Variants in NAP1L4 observed in about 807,000 individuals in gnomAD.
NAP1L4 encodes the protein nucleosome assembly protein 1-like 4.
NAP1L4 carries 15 observed loss-of-function variants against 58.2 expected under a neutral mutation model. That is an observed-to-expected ratio of 0.26 (90% confidence interval 0.17 to 0.40). The LOEUF is 0.40. NAP1L4 is among the 10% of genes least tolerant of loss of function. NAP1L4 has a pLI of 1.00. For missense variants in NAP1L4, 384 were observed against 451.1 expected, an observed-to-expected ratio of 0.85 and a Z score of 1.35; for synonymous variants, 171 against 155.6, an observed-to-expected ratio of 1.10 and a Z score of -0.74.
chr11:2,950,126 C>T (rs1372453428), intron 14 of NAP1L4, among the ~76,000 whole-genome samples: 1 of 152,208 alleles, frequency 6.6e-6, no homozygotes, highest in Admixed American at 6.5e-5. Flanking sequence ...CTGTGATGCA[C>T]GCAAGGCAGA....
At chr11:2,963,720 TACCACCATCACCCACACCC>T in intron 8 of NAP1L4, 1 of 518,260 alleles carries the variant, frequency 1.9e-6, no homozygotes, top group South Asian at 1.4e-5. Flanking sequence ...CCCAGGCCCC[TACCACCATCACCCACACCC>T]AAGATCCCTA....
chr11:2,963,912 G>C (rs750405689), intron 8 of NAP1L4: 4 of 519,012 alleles, frequency 7.7e-6, no homozygotes, highest in African/African-American at 1.9e-5. Flanking sequence ...AACCAGGCTG[G>C]GATGAGACAG....
rs1354738290 is a variant in NAP1L4, at chr11:2,955,010, G to C, written c.916-364C>G. Among the ~76,000 whole-genome samples, 2 of 152,062 alleles carry C rather than the reference G, an allele frequency of 1.3e-5. No individual in the cohort carries two copies. Among genetic ancestry groups the C allele is most frequent in the Non-Finnish European group, 2.9e-5 (2 of 68,010 alleles). ...CATATGAAACACATACTTTTACTTA[G>C]ATGTGTAATGATTTCAAATTAATCC... On this transcript the variant is annotated intron_variant, in intron 11 of 15. Transcript: ENST00000380542. The surrounding 1 kb of genome is among the most constrained non-coding windows in gnomAD (Gnocchi z 4.2).
At chr11:2,947,496 AC>A (rs1168386867) in intron 15 of NAP1L4, among the ~76,000 whole-genome samples, 1 of 152,058 alleles carries the variant, frequency 6.6e-6, no homozygotes, top group Non-Finnish European at 1.5e-5. Context: ...CATGTGGCCC[AC>A]CCCTGCCAGG....
In NAP1L4 at chr11:2,975,817, G is replaced by A. The variant is rs116482502; in HGVS notation, c.173+207C>T. Among the ~76,000 whole-genome samples the A allele has an allele frequency of 5.5e-3, 829 of 152,106 alleles. 7 individuals are homozygous for A. Among genetic ancestry groups the A allele is most frequent in the African/African-American group, 0.019 (784 of 41,476 alleles). ...GTGCACTTCCTATCAGAACTGACAG[G>A]TCACGCTACTCCATCCACCAGGCAA... On this transcript the variant is annotated intron_variant, in intron 4 of 15. Coordinates refer to ENST00000380542, the MANE Select transcript of NAP1L4 (RefSeq NM_005969.4).
chr11:2,971,393 C>T lies in NAP1L4; in HGVS notation c.402+55G>A, dbSNP rs1053958865. The T allele has an allele frequency of 6.8e-6, 10 of 1,466,900 alleles. No homozygotes were observed. In the African/African-American group the frequency reaches 1.4e-4, roughly 21 times the overall value. 90.9% of individuals were successfully genotyped at this position (1,466,900 alleles called of 1,614,324 possible). A position where few individuals can be genotyped will look rare whatever the true frequency, so the allele number is the denominator to read the frequency against. Reference sequence around the variant, plus strand: ...AGTCATTAAAAATCATTAAAAAATGCTTATTTTTAACAGTATTAAAACAGA... The same window carrying T: ...AGTCATTAAAAATCATTAAAAAATGTTTATTTTTAACAGTATTAAAACAGA... On this transcript the variant is annotated intron_variant, in intron 6 of 15. Coordinates refer to ENST00000380542, the MANE Select transcript of NAP1L4 (RefSeq NM_005969.4). The surrounding 1 kb of genome is among the most constrained non-coding windows in gnomAD (Gnocchi z 4.2).
chr11:2,952,171 T>C lies in NAP1L4; in HGVS notation c.1036-362A>G. ...ACCGATGAATTTGTTTTCCTTAAATTTTCTACAAGGCTGATCGAACCAGCA... is the reference window on the plus strand; with the variant it reads ...ACCGATGAATTTGTTTTCCTTAAATCTTCTACAAGGCTGATCGAACCAGCA... On this transcript the variant is annotated intron_variant, in intron 12 of 15. Coordinates refer to ENST00000380542, the MANE Select transcript of NAP1L4 (RefSeq NM_005969.4). The C allele has an allele frequency of 2.2e-5, 7 of 322,958 alleles. 2 individuals carry two copies. The South Asian group carries it at 2.2e-4, about 10-fold the overall frequency. The allele number at this position is 322,958 out of a possible 1,614,324, so 20.0% of individuals were successfully genotyped here.
Position 2,969,794 on chromosome 11 carries a change from T to C in NAP1L4, c.534+9A>G. 2 of 1,606,568 alleles carry C rather than the reference T, an allele frequency of 1.2e-6. No individual in the cohort carries two copies. Among genetic ancestry groups the C allele is most frequent in the South Asian group, 1.1e-5 (1 of 89,500 alleles). On this transcript the variant is annotated intron_variant, in intron 7 of 15. Coordinates refer to ENST00000380542, the MANE Select transcript of NAP1L4 (RefSeq NM_005969.4). ...ACATAATCTCTCTACAAGACAGAAG[T>C]GTGCTTACCTGGACTAATTCACTCA...
chr11:2,946,907 G>A lies in NAP1L4; in HGVS notation c.*33-1261C>T, dbSNP rs1268665564. Among the ~76,000 whole-genome samples, 3 of 152,142 alleles carry A rather than the reference G, an allele frequency of 2.0e-5. No individual in the cohort carries two copies. Among genetic ancestry groups the A allele is most frequent in the South Asian group, 2.1e-4 (1 of 4,820 alleles). ...CTTAGGAGTGTGGGGGATGCAGGGCGCCCCGAGCAGGAGCAGTGAGGGGAG... is the reference window on the plus strand; with the variant it reads ...CTTAGGAGTGTGGGGGATGCAGGGCACCCCGAGCAGGAGCAGTGAGGGGAG... On this transcript the variant is annotated intron_variant, in intron 15 of 15. Coordinates refer to ENST00000380542, the MANE Select transcript of NAP1L4 (RefSeq NM_005969.4). This position sits in a 1 kb window ranked among gnomAD's most constrained non-coding sequence, Gnocchi z 4.8.
At chr11:2,991,100 T>C in intron 1 of NAP1L4, 1 of 456,364 alleles carries the variant, frequency 2.2e-6, no homozygotes, top group South Asian at 1.5e-5. Context: ...TCCGAGAACA[T>C]AATGAAATGG....
chr11:2,945,519 C>G lies in NAP1L4; in HGVS notation c.*160G>C. ...ACGAGTTAGATGGAGTAAGCTCTGTCCACGGGATTGTGCTGCGGCAAGGAC... is the reference window on the plus strand; with the variant it reads ...ACGAGTTAGATGGAGTAAGCTCTGTGCACGGGATTGTGCTGCGGCAAGGAC... On this transcript the variant is annotated 3_prime_UTR_variant, in exon 16 of 16. Coordinates refer to ENST00000380542, the MANE Select transcript of NAP1L4 (RefSeq NM_005969.4). 8.6e-7 allele frequency: 1 copy of G among 1,159,488 alleles called. No homozygotes were observed. The highest frequency in any genetic ancestry group is 2.4e-5 in the Admixed American group (1 of 42,370). The allele number at this position is 1,159,488 out of a possible 1,614,324, so 71.8% of individuals were successfully genotyped here.
At chr11:2,981,245 A>G (rs1314715216) in intron 1 of NAP1L4, among the ~76,000 whole-genome samples, 1 of 138,028 alleles carries the variant, frequency 7.2e-6, no homozygotes, top group Non-Finnish European at 1.6e-5. Flanking sequence ...CAAAACAAAA[A>G]GAAAAAAAAA....
At position 2,956,293 on chromosome 11, in the gene NAP1L4, G is replaced by A. The variant is rs117781940; in HGVS notation, c.893-527C>T. On this transcript the variant is annotated intron_variant, in intron 10 of 15. Transcript: ENST00000380542. ...CCACCAGGGGCCCCTGTAGAGTGGC[G>A]CAATTCCTCAGCGAAAGCTGATGCT... Among the ~76,000 whole-genome samples, 681 of 152,256 alleles carry A rather than the reference G, an allele frequency of 4.5e-3. 6 individuals are homozygous for A. Among genetic ancestry groups the A allele is most frequent in the Non-Finnish European group, 7.4e-3 (501 of 68,016 alleles).
chr11:2,983,033 A>G (rs772258196), intron 1 of NAP1L4, among the ~76,000 whole-genome samples: 3 of 152,116 alleles, frequency 2.0e-5, no homozygotes, highest in African/African-American at 7.2e-5. Context: ...AAAAAACAAA[A>G]AACAAAAAAC....
At chr11:2,986,881 A>C (rs1039353962) in intron 1 of NAP1L4, among the ~76,000 whole-genome samples, 2 of 150,732 alleles carry the variant, frequency 1.3e-5, no homozygotes, top group Non-Finnish European at 3.0e-5. Flanking sequence ...CACCTGCCTC[A>C]ACCTCCCAAA....
intron 3 of NAP1L4, among the ~76,000 whole-genome samples, chr11:2,977,229 A>G (rs1040623008): frequency 2.0e-5 from 3 of 152,364 alleles, no homozygotes; most frequent in Admixed American, 2.0e-4. Flanking sequence ...GGAAGAGGAT[A>G]TCTACACGTG....
At chr11:2,950,101 T>C (rs191711440) in intron 14 of NAP1L4, among the ~76,000 whole-genome samples, 1 of 152,322 alleles carries the variant, frequency 6.6e-6, no homozygotes, top group Non-Finnish European at 1.5e-5. Context: ...AGCCCTCACC[T>C]TCCCTGTCCG....
chr11:2,982,754 G>C (rs900671372), intron 1 of NAP1L4, among the ~76,000 whole-genome samples: 3 of 152,192 alleles, frequency 2.0e-5, no homozygotes, highest in Admixed American at 1.3e-4. Context: ...TGGGCCTGGG[G>C]GCTAACACCT....
At position 2,949,251 on chromosome 11, in the gene NAP1L4, G is replaced by C; in HGVS notation, c.*8C>G. ...CCTAGAAACGTATGAATGATTAACA[G>C]ACAAAAATTACACCTAAATGGGGAA... is the stretch of plus-strand genomic sequence containing the variant. On this transcript the variant is annotated 3_prime_UTR_variant, in exon 15 of 16. Transcript: ENST00000380542. The surrounding 1 kb of genome is among the most constrained non-coding windows in gnomAD (Gnocchi z 4.0). 1 of 1,600,444 alleles carries C rather than the reference G, an allele frequency of 6.2e-7. No homozygotes were observed. Among genetic ancestry groups the C allele is most frequent in the Non-Finnish European group, 8.6e-7 (1 of 1,167,728 alleles).
Sources: allele counts gnomAD v4.1 joint callset (sites outside exome capture counted in the v4.1 genomes callset), GRCh38; gene constraint gnomAD v4.1.1; non-coding constraint Gnocchi (gnomAD v3.1); transcripts MANE v1.5; gene names NCBI Gene and HGNC (gene_info 2026-07-23, HGNC 2026-07-21).